SATL1: variants seen among roughly 807,000 people sequenced by gnomAD.
SATL1 encodes the protein spermidine/spermine N(1)-acetyltransferase-like protein 1.
Under a neutral mutation model 51.8 loss-of-function variants are expected in SATL1, and 47 were observed. The ratio of observed to expected loss-of-function variants is 0.91; its 90% CI spans 0.72 to 1.16. The LOEUF is 1.16. Ranked by LOEUF, SATL1 falls within the 50% of genes most tolerant of loss-of-function variation. The pLI, the probability that SATL1 is intolerant of heterozygous loss-of-function variation, is 0.00. For synonymous variants in SATL1, 176 were observed against 182.4 expected (o/e 0.97, Z 0.28); for missense variants, 520 against 526.4 (o/e 0.99, Z 0.12).
intron 2 of SATL1, among the ~76,000 whole-genome samples, chrX:85,199,979 G>C (rs1427400526): frequency 8.9e-6 from 1 of 111,872 alleles, no homozygotes; most frequent in African/African-American, 3.3e-5. Flanking sequence ...ACAAAGAAAG[G>C]ATAAATGCTT....
At chrX:85,234,703 T>C (rs1229735642) in intron 1 of SATL1, among the ~76,000 whole-genome samples, 1 of 109,442 alleles carries the variant, frequency 9.1e-6, no homozygotes, top group Non-Finnish European at 1.9e-5. Flanking sequence ...AAAAAACAAC[T>C]ACAGATTTAC....
chrX:85,222,527 T>C (rs1044837095), intron 2 of SATL1, among the ~76,000 whole-genome samples: 13 of 111,327 alleles, frequency 1.2e-4, no homozygotes, highest in Non-Finnish European at 2.5e-4. Context: ...GAAATATATA[T>C]ATTTTGAGAA....
At chrX:85,215,357 T>C (rs941725203) in intron 2 of SATL1, among the ~76,000 whole-genome samples, 2 of 110,964 alleles carry the variant, frequency 1.8e-5, no homozygotes, top group African/African-American at 6.5e-5. Flanking sequence ...TTCCATTTAG[T>C]CATGGTAATC....
At chrX:85,130,493 T>C (rs1485142129) in intron 2 of SATL1, among the ~76,000 whole-genome samples, 1 of 111,544 alleles carries the variant, frequency 9.0e-6, no homozygotes, top group Non-Finnish European at 1.9e-5. Flanking sequence ...GGTGGTGATA[T>C]CTCCTTTATC....
intron 2 of SATL1, among the ~76,000 whole-genome samples, chrX:85,121,958 C>G (rs1925518156): frequency 9.2e-6 from 1 of 108,411 alleles, no homozygotes; most frequent in African/African-American, 3.4e-5. Flanking sequence ...TATATCAGAA[C>G]ATCGTGTTGT....
At chrX:85,125,421 G>T (rs372943297) in intron 2 of SATL1, among the ~76,000 whole-genome samples, 2 of 110,666 alleles carry the variant, frequency 1.8e-5, no homozygotes, top group South Asian at 7.6e-4. Context: ...TACTGGGCCA[G>T]GCAAAATGTG....
At chrX:85,137,399 C>G (rs1017840443) in intron 2 of SATL1, among the ~76,000 whole-genome samples, 3 of 111,189 alleles carry the variant, frequency 2.7e-5, no homozygotes, top group Non-Finnish European at 5.7e-5. Flanking sequence ...TTCTTATATC[C>G]CATTTCCAAT....
At chrX:85,163,963 A>T (rs1405237844) in intron 2 of SATL1, among the ~76,000 whole-genome samples, 2 of 112,089 alleles carry the variant, frequency 1.8e-5, no homozygotes, top group Non-Finnish European at 3.8e-5. Flanking sequence ...ATATATATTT[A>T]GGACTGTGAT....
chrX:85,186,585 A>G (rs1270981367), intron 2 of SATL1, among the ~76,000 whole-genome samples: 2 of 111,523 alleles, frequency 1.8e-5, no homozygotes, highest in African/African-American at 3.3e-5. Flanking sequence ...CTGTGGACAC[A>G]GTGGTGCTTT....
rs1924580770 is a variant in SATL1 at position 85,093,165 on chromosome X, A to G, written c.1917+20T>C. ...GAAAAGGTTAATGTATAGAATATCA[A>G]TACTAATTGTAATACATACCTGACT... On this transcript the variant is annotated intron_variant, in intron 7 of 7. Transcript: ENST00000644105. The G allele has an allele frequency of 1.7e-6, 2 of 1,147,298 alleles. No homozygotes were observed. Among genetic ancestry groups the G allele is most frequent in the Non-Finnish European group, 2.3e-6 (2 of 856,331 alleles). The allele number at this position is 1,147,298 out of a possible 1,213,427, so 94.6% of individuals were successfully genotyped here. A position where few individuals can be genotyped will look rare whatever the true frequency, so the allele number is the denominator to read the frequency against.
chrX:85,148,310 C>T (rs1439806357), intron 2 of SATL1, among the ~76,000 whole-genome samples: 1 of 110,208 alleles, frequency 9.1e-6, no homozygotes, highest in African/African-American at 3.3e-5. Context: ...AAATATGGGA[C>T]TATGTGAAAA....
chrX:85,100,468 C>T (rs1924865209), intron 4 of SATL1, among the ~76,000 whole-genome samples: 1 of 111,257 alleles, frequency 9.0e-6, no homozygotes, highest in Non-Finnish European at 1.9e-5. Flanking sequence ...TAATTGAATA[C>T]CTAGGAATAA....
At chrX:85,132,530 T>C (rs1162093331) in intron 2 of SATL1, among the ~76,000 whole-genome samples, 2 of 112,047 alleles carry the variant, frequency 1.8e-5, no homozygotes, top group East Asian at 5.6e-4. Flanking sequence ...CTACACTGTT[T>C]ATTCTAGTTA....
chrX:85,126,959 T>C (rs997122843), intron 2 of SATL1, among the ~76,000 whole-genome samples: 1 of 109,473 alleles, frequency 9.1e-6, no homozygotes, highest in East Asian at 2.9e-4. Flanking sequence ...TTTGAAACAC[T>C]GGTAAACTGA....
chrX:85,120,716 G>A, intron 2 of SATL1, among the ~76,000 whole-genome samples: 1 of 112,018 alleles, frequency 8.9e-6, no homozygotes, highest in Non-Finnish European at 1.9e-5. Context: ...GTACTCATTA[G>A]ATGCTAGTGA....
intron 2 of SATL1, among the ~76,000 whole-genome samples, chrX:85,152,831 T>A (rs1314177195): frequency 9.2e-6 from 1 of 108,826 alleles, no homozygotes; most frequent in Non-Finnish European, 1.9e-5. Flanking sequence ...GTGGGGGTAG[T>A]GGGGAGGGAT....
chrX:85,213,668 G>T (rs769059227), intron 2 of SATL1, among the ~76,000 whole-genome samples: 1 of 111,832 alleles, frequency 8.9e-6, no homozygotes, highest in Non-Finnish European at 1.9e-5. Flanking sequence ...ACACAGATTT[G>T]TAGTTTTAAG....
At chrX:85,192,570 C>T (rs1410365579) in intron 2 of SATL1, among the ~76,000 whole-genome samples, 1 of 111,209 alleles carries the variant, frequency 9.0e-6, no homozygotes, top group Non-Finnish European at 1.9e-5. Flanking sequence ...CATACTTGTT[C>T]TTCCAAGCTT....
chrX:85,210,679 C>T (rs1186162368), intron 2 of SATL1: 2 of 111,472 alleles, frequency 1.8e-5, no homozygotes, highest in Non-Finnish European at 3.8e-5. Flanking sequence ...TGGTCTGGAA[C>T]CCTTGATTCT....
Sources: gnomAD v4.1 joint callset for allele counts (sites outside exome capture counted in the v4.1 genomes callset) on GRCh38, gnomAD v4.1.1 for gene constraint, MANE v1.5 for transcripts, NCBI Gene and HGNC (gene_info 2026-07-23, HGNC 2026-07-21) for gene names.